Variants in ARHGAP24 observed in about 807,000 individuals in gnomAD.
The protein encoded by ARHGAP24 is rho GTPase-activating protein 24.
A neutral mutation model predicts 76.4 loss-of-function variants in ARHGAP24; 50 were observed. The observed-to-expected ratio is 0.65, with a 90% CI of 0.52 to 0.83. The LOEUF is 0.83. ARHGAP24 is among the 40% of genes least tolerant of loss of function. ARHGAP24 has a pLI of 0.00. For synonymous variants in ARHGAP24, 345 were observed against 323.3 expected (o/e 1.07, Z -0.72); for missense variants, 930 against 914.2 (o/e 1.02, Z -0.22).
intron 1 of ARHGAP24, among the ~76,000 whole-genome samples, chr4:85,503,145 T>A (rs1380412770): frequency 6.6e-6 from 1 of 152,234 alleles, no homozygotes; most frequent in Non-Finnish European, 1.5e-5. Context: ...GATTTTTGCA[T>A]CGATGAACAT....
At chr4:85,813,046 T>G (rs1357924071) in intron 3 of ARHGAP24, among the ~76,000 whole-genome samples, 2 of 152,200 alleles carry the variant, frequency 1.3e-5, no homozygotes, top group African/African-American at 4.8e-5. Flanking sequence ...CTTGAGAGCC[T>G]TCTTCTGAGT....
At chr4:85,882,661 G>A (rs138267760) in intron 3 of ARHGAP24, among the ~76,000 whole-genome samples, 3 of 152,162 alleles carry the variant, frequency 2.0e-5, no homozygotes, top group South Asian at 4.1e-4. Flanking sequence ...GGTCCACGTG[G>A]CCAAGAGATT....
intron 3 of ARHGAP24, among the ~76,000 whole-genome samples, chr4:85,787,998 G>A (rs578185008): frequency 2.0e-5 from 3 of 152,290 alleles, no homozygotes; most frequent in Non-Finnish European, 2.9e-5. Flanking sequence ...AGCCTCCCAG[G>A]TTAACCCCAT....
At chr4:85,720,647 G>A (rs541591838) in intron 2 of ARHGAP24, among the ~76,000 whole-genome samples, 71 of 152,290 alleles carry the variant, frequency 4.7e-4, no homozygotes, top group Non-Finnish European at 9.8e-4. Flanking sequence ...TCATAGGCCT[G>A]GATGAGATAG....
At chr4:85,759,093 A>T (rs1726636876) in intron 3 of ARHGAP24, among the ~76,000 whole-genome samples, 1 of 152,214 alleles carries the variant, frequency 6.6e-6, no homozygotes, top group Non-Finnish European at 1.5e-5. Context: ...ACAAATACAA[A>T]ATAACATTGT....
chr4:85,923,628 T>C lies in ARHGAP24; in HGVS notation c.269-20T>C, dbSNP rs1735854520. ...ATCTCTGGATGCAACTTCAGCTGCA[T>C]TGTTACTGTGTTTTCACAGGAGGCG... On this transcript the variant is annotated intron_variant, in intron 3 of 9. Coordinates refer to ENST00000395184, the MANE Select transcript of ARHGAP24 (RefSeq NM_001025616.3). 1.2e-6 allele frequency: 2 copies of C among 1,613,172 alleles called. No individual in the cohort carries two copies. Among genetic ancestry groups the C allele is most frequent in the South Asian group, 2.2e-5 (2 of 91,032 alleles).
chr4:85,660,303 C>A (rs1326660676), intron 2 of ARHGAP24, among the ~76,000 whole-genome samples: 4 of 152,108 alleles, frequency 2.6e-5, no homozygotes, highest in African/African-American at 7.2e-5. Flanking sequence ...ACCAATATTT[C>A]TTGGATTTTA....
chr4:85,929,857 G>C (rs1411182339), intron 4 of ARHGAP24, among the ~76,000 whole-genome samples: 1 of 152,202 alleles, frequency 6.6e-6, no homozygotes, highest in African/African-American at 2.4e-5. Context: ...AATAAATGCA[G>C]GTATGAAGGG....
chr4:85,986,012 T>C (rs1739968310), intron 8 of ARHGAP24, among the ~76,000 whole-genome samples: 1 of 152,252 alleles, frequency 6.6e-6, no homozygotes, highest in East Asian at 1.9e-4. Flanking sequence ...TTTTGGTGGA[T>C]GTTTAAGTGA....
intron 1 of ARHGAP24, among the ~76,000 whole-genome samples, chr4:85,508,334 A>G (rs968087155): frequency 4.6e-5 from 7 of 152,258 alleles, no homozygotes; most frequent in Non-Finnish European, 1.0e-4. Context: ...GCTAACTTTC[A>G]ACTTTAAAAA....
intron 2 of ARHGAP24, among the ~76,000 whole-genome samples, chr4:85,625,147 C>A (rs1008089098): frequency 6.6e-6 from 1 of 152,056 alleles, no homozygotes; most frequent in Non-Finnish European, 1.5e-5. Flanking sequence ...TTTTCTAGTT[C>A]TTTTAATTGT....
chr4:85,928,634 G>C (rs551869378), intron 4 of ARHGAP24, among the ~76,000 whole-genome samples: 3 of 151,906 alleles, frequency 2.0e-5, no homozygotes, highest in African/African-American at 7.2e-5. Flanking sequence ...AATTTTTTTT[G>C]TATTTTTAGT....
At chr4:85,562,221 C>A (rs569409169) in intron 1 of ARHGAP24, among the ~76,000 whole-genome samples, 1 of 152,106 alleles carries the variant, frequency 6.6e-6, no homozygotes, top group Non-Finnish European at 1.5e-5. Context: ...TGGAAAGAAT[C>A]CATCATATCA....
chr4:85,515,514 T>C (rs897028340), intron 1 of ARHGAP24, among the ~76,000 whole-genome samples: 1 of 151,612 alleles, frequency 6.6e-6, no homozygotes, highest in African/African-American at 2.4e-5. Context: ...ATTCTTATTC[T>C]TTTTTATTAC....
At chr4:85,633,916 T>G (rs1286628589) in intron 2 of ARHGAP24, among the ~76,000 whole-genome samples, 2 of 151,860 alleles carry the variant, frequency 1.3e-5, no homozygotes, top group Non-Finnish European at 3.0e-5. Context: ...AAATTTTTCT[T>G]TGATTTTTGT....
chr4:85,997,650 AT>A (rs1406294653), intron 9 of ARHGAP24, among the ~76,000 whole-genome samples: 1 of 84,560 alleles, frequency 1.2e-5, no homozygotes, highest in Non-Finnish European at 2.7e-5. Context: ...TTCTTTTCTT[AT>A]TTTTTTTTAT....
intron 2 of ARHGAP24, among the ~76,000 whole-genome samples, chr4:85,611,933 T>C (rs1201309012): frequency 1.3e-5 from 2 of 152,226 alleles, no homozygotes; most frequent in Non-Finnish European, 2.9e-5. Context: ...CTCCAGGTTC[T>C]GTATAGTACC....
At chr4:85,939,948 A>G (rs1383002331) in intron 4 of ARHGAP24, among the ~76,000 whole-genome samples, 2 of 152,156 alleles carry the variant, frequency 1.3e-5, no homozygotes, top group African/African-American at 4.8e-5. Flanking sequence ...CCAAATGTCA[A>G]CATATTATTT....
At chr4:85,807,110 T>A (rs1176376500) in intron 3 of ARHGAP24, among the ~76,000 whole-genome samples, 3 of 152,190 alleles carry the variant, frequency 2.0e-5, no homozygotes, top group East Asian at 1.9e-4. Flanking sequence ...TTAATTAATT[T>A]TTTAAAACTA....
Sources: gnomAD v4.1 joint callset for allele counts (sites outside exome capture counted in the v4.1 genomes callset) on GRCh38, gnomAD v4.1.1 for gene constraint, MANE v1.5 for transcripts, NCBI Gene and HGNC (gene_info 2026-07-23, HGNC 2026-07-21) for gene names.